The following CD37 variants were observed in gnomAD, a reference collection of about 807,000 sequenced individuals.
CD37 encodes leukocyte antigen CD37.
Under a neutral mutation model 38.9 loss-of-function variants are expected in CD37, and 37 were observed. The ratio of observed to expected loss-of-function variants is 0.95; its 90% CI spans 0.73 to 1.25. The LOEUF is 1.25. CD37 is among the 50% of genes most tolerant of loss of function. The probability of loss-of-function intolerance (pLI) is 0.00; values close to 1 mark genes in which losing one functional copy is unlikely to be tolerated. For synonymous variants in CD37, 146 were observed against 150.1 expected, an observed-to-expected ratio of 0.97 and a Z score of 0.20; for missense variants, 351 against 360.1, an observed-to-expected ratio of 0.97 and a Z score of 0.20.
chr19:49,339,737 G>A lies in CD37; in HGVS notation c.768+324G>A. 1 of 1,398,192 alleles carries A rather than the reference G, an allele frequency of 7.2e-7. No homozygotes were observed. Among genetic ancestry groups the A allele is most frequent in the Admixed American group, 3.1e-5 (1 of 31,794 alleles). The allele number at this position is 1,398,192 out of a possible 1,614,324, so 86.6% of individuals were successfully genotyped here. On this transcript the variant is annotated intron_variant, in intron 7 of 7. Transcript: ENST00000323906. This position sits in a 1 kb window ranked among gnomAD's most constrained non-coding sequence, Gnocchi z 4.5. Reference sequence around the variant, plus strand: ...TGCGAGCCGCACGTGCCGGGCGCTGGGGATTCGAGCCCCGGGCCCAGCCTG... The same window carrying A: ...TGCGAGCCGCACGTGCCGGGCGCTGAGGATTCGAGCCCCGGGCCCAGCCTG...
rs1356383773 is a variant in CD37, at chr19:49,337,994, G to T, written c.412G>T (p.Ala138Ser). 6.2e-7 allele frequency: 1 copy of T among 1,614,006 alleles called. No individual in the cohort carries two copies. Among genetic ancestry groups the T allele is most frequent in the Non-Finnish European group, 8.5e-7 (1 of 1,179,960 alleles). The change falls in exon 5 of 8, where the codon GCG (alanine) becomes TCG (serine). Residue 138 changes from alanine to serine, a missense_variant. Ala to Ser is a moderately conservative substitution (Grantham distance 99, BLOSUM62 1). Transcript: ENST00000323906. ...QKYGTNPEETAAEESWDYVQF... is the reference protein window; with the variant it reads ...QKYGTNPEETSAEESWDYVQF... ...GTACGGCACCAACCCCGAGGAGACC[G>T]CGGCCGAGGAGAGCTGGGACTATGT...
Position 49,338,065 on chromosome 19 carries a change from C to T in CD37, c.447+36C>T, listed in dbSNP as rs767091658. On this transcript the variant is annotated intron_variant, in intron 5 of 7. Coordinates refer to ENST00000323906, the MANE Select transcript of CD37 (RefSeq NM_001774.3). The surrounding 1 kb of genome is among the most constrained non-coding windows in gnomAD (Gnocchi z 5.0). ...CTCCTCCAGTTCCCTCCCGGACTGA[C>T]CCGCCTCAGCCCTGTGCTTGGAGGA... 9.3e-6 allele frequency: 15 copies of T among 1,604,882 alleles called. No individual in the cohort carries two copies. The highest frequency in any genetic ancestry group is 1.7e-4 in the Middle Eastern group (1 of 6,052).
chr19:49,335,788 T>G lies in CD37; in HGVS notation c.142+2T>G. On this transcript the variant is annotated splice_donor_variant, in intron 2 of 7. Transcript: ENST00000323906. LOFTEE classifies it high-confidence loss of function. This position sits in a 1 kb window ranked among gnomAD's most constrained non-coding sequence, Gnocchi z 4.6. ...AGACCAGCTTCGTGTCCTTTGTGGG[T>G]GAGGGGGGCTGGGGCAGGTGGGAGG... 1 of 1,608,716 alleles carries G rather than the reference T, an allele frequency of 6.2e-7. No homozygotes were observed. The highest frequency in any genetic ancestry group is 8.5e-7 in the Non-Finnish European group (1 of 1,175,636).
In CD37 at chr19:49,338,229, G is replaced by A; in HGVS notation, c.447+200G>A. 7.0e-7 allele frequency: 1 copy of A among 1,422,494 alleles called. No homozygotes were observed. Among genetic ancestry groups the A allele is most frequent in the Non-Finnish European group, 9.2e-7 (1 of 1,091,884 alleles). 88.1% of individuals were successfully genotyped at this position (1,422,494 alleles called of 1,614,324 possible). A position where few individuals can be genotyped will look rare whatever the true frequency, so the allele number is the denominator to read the frequency against. On this transcript the variant is annotated intron_variant, in intron 5 of 7. Transcript: ENST00000323906. This position sits in a 1 kb window ranked among gnomAD's most constrained non-coding sequence, Gnocchi z 5.0. The stretch of plus-strand genomic sequence containing the variant: ...CTGGTCTCCCAGTACCCAGACCCTG[G>A]CGTGGCTTCGCCATCTACCTCGAGA...
At position 49,339,679 on chromosome 19, in the gene CD37, G is replaced by C. The variant is rs183045337; in HGVS notation, c.768+266G>C. ...GCAGATGACTGTCATGGTGCTGAGC[G>C]TACAGCTACAGCGCAGGGCACTCCG... On this transcript the variant is annotated intron_variant, in intron 7 of 7. Coordinates refer to ENST00000323906, the MANE Select transcript of CD37 (RefSeq NM_001774.3). This position sits in a 1 kb window ranked among gnomAD's most constrained non-coding sequence, Gnocchi z 4.5. 1.0e-4 allele frequency: 145 copies of C among 1,422,346 alleles called. No homozygotes were observed. The highest frequency in any genetic ancestry group is 1.2e-4 in the Non-Finnish European group (129 of 1,093,134). The allele number at this position is 1,422,346 out of a possible 1,614,324, so 88.1% of individuals were successfully genotyped here.
rs544286632 is a variant in CD37 at position 49,340,380 on chromosome 19, T to G, written c.*52T>G. On this transcript the variant is annotated 3_prime_UTR_variant, in exon 8 of 8. Transcript: ENST00000323906. Reference sequence around the variant, plus strand: ...CGCCCCCGTCACGTGCGCTGGGCACTTCCCTGCTGCCTGTAAATATTTGTT... The same window carrying G: ...CGCCCCCGTCACGTGCGCTGGGCACGTCCCTGCTGCCTGTAAATATTTGTT... 43 of 1,156,016 alleles carry G rather than the reference T, an allele frequency of 3.7e-5. No homozygotes were observed. Among genetic ancestry groups the G allele is most frequent in the African/African-American group, 9.2e-5 (6 of 65,524 alleles). 71.6% of individuals were successfully genotyped at this position (1,156,016 alleles called of 1,614,324 possible). A position where few individuals can be genotyped will look rare whatever the true frequency, so the allele number is the denominator to read the frequency against.
At chr19:49,337,269 G>A in intron 4 of CD37, 48 bp downstream of exon 4, 1 of 1,559,954 alleles carries the variant, frequency 6.4e-7, no homozygotes, top group Non-Finnish European at 8.8e-7. Context: ...GGGAGGAGAG[G>A]GAAGGGAGTG....
At position 49,339,776 on chromosome 19, in the gene CD37, G is replaced by A. The variant is rs1443286025; in HGVS notation, c.768+363G>A. ...GGGCCCAGCCTGATCGCTGACGGCG[G>A]CGGCGGGCACAGCGGCAGTCTGTGG... is the stretch of plus-strand genomic sequence containing the variant. On this transcript the variant is annotated intron_variant, in intron 7 of 7. Transcript: ENST00000323906. The surrounding 1 kb of genome is among the most constrained non-coding windows in gnomAD (Gnocchi z 4.5). The A allele has an allele frequency of 3.6e-6, 5 of 1,370,016 alleles. No individual in the cohort carries two copies. The highest frequency in any genetic ancestry group is 2.9e-5 in the African/African-American group (2 of 68,174). 84.9% of individuals were successfully genotyped at this position (1,370,016 alleles called of 1,614,324 possible). A position where few individuals can be genotyped will look rare whatever the true frequency, so the allele number is the denominator to read the frequency against.
Position 49,339,226 on chromosome 19 carries a change from C to T in CD37, c.685-104C>T. ...TAGAGTGCCCTGGTGACTAGGGGAG[C>T]GGGTAGATGCCTGAAGACGGTGAGG... is the stretch of plus-strand genomic sequence containing the variant. On this transcript the variant is annotated intron_variant, in intron 6 of 7. Transcript: ENST00000323906. This position sits in a 1 kb window ranked among gnomAD's most constrained non-coding sequence, Gnocchi z 4.5. 1.0e-6 allele frequency: 1 copy of T among 992,896 alleles called. No individual in the cohort carries two copies. The highest frequency in any genetic ancestry group is 1.4e-5 in the South Asian group (1 of 69,442). The allele number at this position is 992,896 out of a possible 1,614,324, so 61.5% of individuals were successfully genotyped here.
rs1214679987 is a variant in CD37, at chr19:49,337,224, G to A, written c.342+3G>A. 2.0e-5 allele frequency: 33 copies of A among 1,613,918 alleles called. No homozygotes were observed. Among genetic ancestry groups the A allele is most frequent in the Non-Finnish European group, 2.5e-5 (30 of 1,179,872 alleles). On this transcript the variant is annotated splice_donor_region_variant and intron_variant, in intron 4 of 7. Coordinates refer to ENST00000323906, the MANE Select transcript of CD37 (RefSeq NM_001774.3). ...TCATCTCCACTCAGCGGGCCCAGGT[G>A]AGCTTCCTGCAGTGGCCACCACCCA...
intron 3 of CD37, 49 bp from the exon 4 acceptor site, chr19:49,337,098 G>A (rs1317369111): frequency 1.2e-6 from 2 of 1,614,034 alleles, no homozygotes; most frequent in Admixed American, 1.7e-5. Flanking sequence ...AATGGCCTGG[G>A]CCGGGGTTGC....
rs1282374536 is a variant in CD37 at position 49,338,721 on chromosome 19, T to C, written c.469T>C (p.Tyr157His). ...CCAGCTGCGCTGCTGCGGCTGGCAC[T>C]ACCCGCAGGACTGGTTCCAAGTCCT... ...QFQLRCCGWHYPQDWFQVLIL... is the reference protein window; with the variant it reads ...QFQLRCCGWHHPQDWFQVLIL... The change falls in exon 6 of 8, where the codon TAC (tyrosine) becomes CAC (histidine). Residue 157 changes from tyrosine to histidine, a missense_variant. Tyr to His is a moderately conservative substitution (Grantham distance 83). Transcript: ENST00000323906. This position sits in a 1 kb window ranked among gnomAD's most constrained non-coding sequence, Gnocchi z 5.0. The C allele has an allele frequency of 2.5e-6, 4 of 1,612,080 alleles. No homozygotes were observed. The African/African-American group carries it at 5.3e-5, about 22-fold the overall frequency.
At chr19:49,340,005 C>T (rs976193693) in intron 7 of CD37, 1 of 1,457,746 alleles carries the variant, frequency 6.9e-7, no homozygotes, top group Non-Finnish European at 9.0e-7. Context: ...AAATAAAGGA[C>T]CCTGGGCTTG....
intron 2 of CD37, 89 bp from the exon 3 acceptor site, chr19:49,336,820 C>G: frequency 7.0e-7 from 1 of 1,423,580 alleles, no homozygotes; most frequent in East Asian, 2.3e-5. Flanking sequence ...CAAGATACTG[C>G]TCCCCACTTG....
Position 49,338,179 on chromosome 19 carries a change from A to G in CD37, c.447+150A>G. On this transcript the variant is annotated intron_variant, in intron 5 of 7. Transcript: ENST00000323906. The surrounding 1 kb of genome is among the most constrained non-coding windows in gnomAD (Gnocchi z 5.0). ...AGGCCCGACGCTCCCCACTCCCCAG[A>G]TGACACAACTGTCCCCGGCGTCGCC... 1 of 1,444,302 alleles carries G rather than the reference A, an allele frequency of 6.9e-7. No homozygotes were observed. The allele number at this position is 1,444,302 out of a possible 1,614,324, so 89.5% of individuals were successfully genotyped here. A position where few individuals can be genotyped will look rare whatever the true frequency, so the allele number is the denominator to read the frequency against.
chr19:49,336,247 T>C (rs354024), intron 2 of CD37: 134,256 of 166,192 alleles, frequency 0.81, 54,848 homozygotes, highest in African/African-American at 0.93. Flanking sequence ...ACACATGTCC[T>C]CATGTGTCTC....
chr19:49,338,755 G>T lies in CD37; in HGVS notation c.503G>T (p.Arg168Ile). 6.2e-7 allele frequency: 1 copy of T among 1,613,504 alleles called. No homozygotes were observed. The change falls in exon 6 of 8, where the codon AGA becomes ATA. Residue 168 changes from arginine to isoleucine, a missense_variant. Arg to Ile is a moderately conservative substitution (Grantham distance 97). Coordinates refer to ENST00000323906, the MANE Select transcript of CD37 (RefSeq NM_001774.3). The surrounding 1 kb of genome is among the most constrained non-coding windows in gnomAD (Gnocchi z 5.0). ...PQDWFQVLIL[R>I]GNGSEAHRVP... ...GACTGGTTCCAAGTCCTCATCCTGA[G>T]AGGTAACGGGTCGGAGGCGCACCGC...
chr19:49,338,649 A>C lies in CD37; in HGVS notation c.448-51A>C, dbSNP rs1214702732. On this transcript the variant is annotated intron_variant, in intron 5 of 7. Coordinates refer to ENST00000323906, the MANE Select transcript of CD37 (RefSeq NM_001774.3). This position sits in a 1 kb window ranked among gnomAD's most constrained non-coding sequence, Gnocchi z 5.0. The stretch of plus-strand genomic sequence containing the variant: ...CCCATCACCTTGTCCCCTGATCCCC[A>C]ACATCATATGTCTCCAGTCCCGGTC... 1 of 1,371,188 alleles carries C rather than the reference A, an allele frequency of 7.3e-7. No homozygotes were observed. Among genetic ancestry groups the C allele is most frequent in the Non-Finnish European group, 1.0e-6 (1 of 971,204 alleles). 84.9% of individuals were successfully genotyped at this position (1,371,188 alleles called of 1,614,324 possible).
Position 49,336,919 on chromosome 19 carries a change from C to T in CD37, c.153C>T (p.Phe51=), listed in dbSNP as rs201859925. The change falls in exon 3 of 8, where the codon TTC becomes TTT. Residue 51 remains phenylalanine, a synonymous_variant. Transcript: ENST00000323906. The part of the protein sequence containing the change: ...TSFVSFVGLA[F]VPLQIWSKVL... ...CCTCACCTCTCCCAGGCTTGGCCTT[C>T]GTGCCTCTGCAGATCTGGTCCAAAG... is the stretch of plus-strand genomic sequence containing the variant. 6.8e-6 allele frequency: 11 copies of T among 1,613,986 alleles called. No individual in the cohort carries two copies. Among genetic ancestry groups the T allele is most frequent in the South Asian group, 1.1e-5 (1 of 91,078 alleles).
Sources: allele counts gnomAD v4.1 joint callset, GRCh38; gene constraint gnomAD v4.1.1; non-coding constraint Gnocchi (gnomAD v3.1); transcripts MANE v1.5; gene names NCBI Gene and HGNC (gene_info 2026-07-23, HGNC 2026-07-21).